Variants in STYX observed in about 807,000 individuals in gnomAD.
STYX encodes serine/threonine/tyrosine interacting protein.
STYX carries 20 observed loss-of-function variants against 42.7 expected under a neutral mutation model. The observed-to-expected ratio is 0.47, with a 90% CI of 0.33 to 0.68. The LOEUF is 0.68. Ranked by LOEUF, STYX falls within the 30% of genes least tolerant of loss-of-function variation. STYX has a pLI of 0.02. For missense variants in STYX, 226 were observed against 268.5 expected (o/e 0.84, Z 1.11); for synonymous variants, 78 against 81.9 (o/e 0.95, Z 0.26).
chr14:52,769,037 G>A, intron 10 of STYX, 104 bp downstream of exon 10: 1 of 805,130 alleles, frequency 1.2e-6, no homozygotes, highest in Non-Finnish European at 1.9e-6. Context: ...TAGAAAACTT[G>A]TTAAACTATT....
chr14:52,759,526 C>G (rs1053379682), intron 8 of STYX, among the ~76,000 whole-genome samples, 156 bp from the exon 9 acceptor site: 6 of 152,074 alleles, frequency 3.9e-5, no homozygotes, highest in African/African-American at 1.4e-4. Context: ...AGCAAGCTGC[C>G]GTAAGCATAT....
intron 1 of STYX, among the ~76,000 whole-genome samples, chr14:52,739,121 T>C (rs557171905): frequency 5.7e-4 from 87 of 152,024 alleles, no homozygotes; most frequent in African/African-American, 2.1e-3. Flanking sequence ...TTTTTAAAAA[T>C]ACCACTTTTT....
chr14:52,765,563 C>A (rs527947635), intron 9 of STYX, among the ~76,000 whole-genome samples: 5 of 152,274 alleles, frequency 3.3e-5, no homozygotes, highest in African/African-American at 9.6e-5. Context: ...TTTTAAGATT[C>A]CCCCCTTAGG....
intron 5 of STYX, among the ~76,000 whole-genome samples, chr14:52,756,877 G>A (rs1029724955): frequency 6.6e-6 from 1 of 151,824 alleles, no homozygotes; most frequent in Non-Finnish European, 1.5e-5. Context: ...AGTAGAGACG[G>A]GGTTTCTCCA....
intron 9 of STYX, among the ~76,000 whole-genome samples, chr14:52,768,070 A>G (rs958634499): frequency 1.3e-5 from 2 of 152,010 alleles, no homozygotes; most frequent in African/African-American, 4.8e-5. Context: ...TTGTCATACC[A>G]TGCAAGGGCT....
At chr14:52,758,058 C>A in intron 8 of STYX, 134 bp downstream of exon 8, 1 of 942,346 alleles carries the variant, frequency 1.1e-6, no homozygotes, top group South Asian at 1.7e-5. Flanking sequence ...TAGGCAGGCC[C>A]TTATTCCATG....
intron 1 of STYX, among the ~76,000 whole-genome samples, chr14:52,741,565 G>A (rs1159190189): frequency 6.6e-6 from 1 of 152,018 alleles, no homozygotes; most frequent in Non-Finnish European, 1.5e-5. Context: ...AGCCTCCCGG[G>A]TAGCTGGGAC....
At chr14:52,761,676 C>T (rs1882101692) in intron 9 of STYX, among the ~76,000 whole-genome samples, 1 of 145,336 alleles carries the variant, frequency 6.9e-6, no homozygotes, top group Non-Finnish European at 1.5e-5. Flanking sequence ...TCAAACAATT[C>T]TCCTGCCTCA....
intron 3 of STYX, among the ~76,000 whole-genome samples, chr14:52,748,702 G>A (rs1304396745): frequency 6.6e-6 from 1 of 151,984 alleles, no homozygotes; most frequent in African/African-American, 2.4e-5. Flanking sequence ...TAGTCTATTG[G>A]GCCTTCAAAA....
chr14:52,731,851 G>A (rs1880717641), intron 1 of STYX: 1 of 151,952 alleles, frequency 6.6e-6, no homozygotes, highest in African/African-American at 2.4e-5. Flanking sequence ...GTAGTGCAGT[G>A]GTGTGATCTC....
intron 9 of STYX, among the ~76,000 whole-genome samples, chr14:52,765,311 C>G (rs1406302760): frequency 1.3e-5 from 2 of 152,102 alleles, no homozygotes; most frequent in Non-Finnish European, 2.9e-5. Context: ...CTCCACCTCC[C>G]GAGTTCAAGT....
chr14:52,755,099 G>GT lies in STYX; in HGVS notation c.243-1443dup, dbSNP rs965752661. Among the ~76,000 whole-genome samples, 776 of 142,896 alleles carry GT rather than the reference G, an allele frequency of 5.4e-3. 2 individuals carry two copies. Among genetic ancestry groups the GT allele is most frequent in the African/African-American group, 0.018 (697 of 39,144 alleles). The allele number at this position is 142,896 out of a possible 152,430, so 93.7% of individuals were successfully genotyped here. A position where few individuals can be genotyped will look rare whatever the true frequency, so the allele number is the denominator to read the frequency against. On this transcript the variant is annotated intron_variant, in intron 4 of 10. Coordinates refer to ENST00000354586, the MANE Select transcript of STYX (RefSeq NM_145251.4). The stretch of plus-strand genomic sequence containing the variant: ...TCAGATCCTGAGGTTCAGCTTCTGT[G>GT]TTTTTTTTTGTTTGTTTTTTTGTTT...
At chr14:52,769,791 C>T (rs1451252534) in intron 10 of STYX, among the ~76,000 whole-genome samples, 2 of 152,010 alleles carry the variant, frequency 1.3e-5, no homozygotes, top group Admixed American at 6.6e-5. Context: ...CCTTTCCAAA[C>T]TCTTGTTATT....
intron 1 of STYX, among the ~76,000 whole-genome samples, chr14:52,736,604 C>G (rs1042224144): frequency 1.2e-4 from 18 of 152,146 alleles, no homozygotes. Context: ...AGTACAGGAT[C>G]AAAGATAGGA....
intron 3 of STYX, 86 bp downstream of exon 3, chr14:52,746,565 T>G: frequency 8.7e-7 from 1 of 1,154,478 alleles, no homozygotes; most frequent in Non-Finnish European, 1.2e-6. Flanking sequence ...GAGTTTTATT[T>G]TAGGGAGCAT....
rs1460640245 is a variant in STYX at position 52,746,421 on chromosome 14, T to C, written c.91-5T>C. ...GGTAAATACCTCAAATTTTTTTTTT[T>C]CTAGGAAATTTTACCTGGATTGTTC... On this transcript the variant is annotated splice_polypyrimidine_tract_variant and splice_region_variant and intron_variant, in intron 2 of 10. Transcript: ENST00000354586. 6.4e-7 allele frequency: 1 copy of C among 1,559,582 alleles called. No homozygotes were observed.
At position 52,730,227 on chromosome 14, in the gene STYX, G is replaced by T. The variant is rs1880633306; in HGVS notation, c.-248G>T. 3.5e-6 allele frequency: 2 copies of T among 566,792 alleles called. No individual in the cohort carries two copies. The highest frequency in any genetic ancestry group is 2.1e-5 in the South Asian group (1 of 48,212). 35.1% of individuals were successfully genotyped at this position (566,792 alleles called of 1,614,324 possible). A position where few individuals can be genotyped will look rare whatever the true frequency, so the allele number is the denominator to read the frequency against. Reference sequence around the variant, plus strand: ...GCCTGAGGGGTACGGAGACTCTGGGGGAGGGAGACGGCAGCGGCATGGCGG... The same window carrying T: ...GCCTGAGGGGTACGGAGACTCTGGGTGAGGGAGACGGCAGCGGCATGGCGG... On this transcript the variant is annotated 5_prime_UTR_variant, in exon 1 of 11. Transcript: ENST00000354586.
chr14:52,763,368 A>G (rs1882174997), intron 9 of STYX, among the ~76,000 whole-genome samples: 1 of 151,864 alleles, frequency 6.6e-6, no homozygotes, highest in African/African-American at 2.4e-5. Flanking sequence ...GTTTTTCTGT[A>G]TTCTAATTTC....
intron 2 of STYX, among the ~76,000 whole-genome samples, chr14:52,745,862 G>A (rs952754183): frequency 6.6e-6 from 1 of 152,156 alleles, no homozygotes; most frequent in African/African-American, 2.4e-5. Context: ...GGAATGCAAA[G>A]ATGACTAAAT....
Sources: allele counts gnomAD v4.1 joint callset (sites outside exome capture counted in the v4.1 genomes callset), GRCh38; gene constraint gnomAD v4.1.1; transcripts MANE v1.5; gene names NCBI Gene and HGNC (gene_info 2026-07-23, HGNC 2026-07-21).